Variants in DST observed in about 807,000 individuals in gnomAD.
The protein encoded by DST is dystonin.
In DST, 253 loss-of-function variants were observed where a neutral mutation model predicts 875.2. The observed-to-expected ratio is 0.29, with a 90% confidence interval of 0.26 to 0.32. The LOEUF (loss-of-function observed/expected upper bound fraction) is 0.32, where lower values mean the gene tolerates loss of function less well. Ranked by LOEUF, DST falls within the 10% of genes least tolerant of loss-of-function variation. DST has a pLI of 1.00. For synonymous variants in DST, 3,124 were observed against 3,197.1 expected, an observed-to-expected ratio of 0.98 and a Z score of 0.77; for missense variants, 8,287 against 9,111.6, an observed-to-expected ratio of 0.91 and a Z score of 3.68.
At chr6:56,915,941 ACCTT>A (rs1369659816) in intron 2 of DST, among the ~76,000 whole-genome samples, 1 of 152,194 alleles carries the variant, frequency 6.6e-6, no homozygotes, top group African/African-American at 2.4e-5. Flanking sequence ...TAATCCTAAC[ACCTT>A]CTTTGAGAAT....
intron 3 of DST, among the ~76,000 whole-genome samples, chr6:56,886,704 G>T (rs545292934): frequency 4.6e-5 from 7 of 151,478 alleles, no homozygotes; most frequent in Admixed American, 1.3e-4. Flanking sequence ...GAACCCAGGA[G>T]GTGGAGTTTG....
chr6:56,640,204 G>A lies in DST; in HGVS notation c.2429C>T (p.Thr810Ile), dbSNP rs1269620705. Reference sequence around the variant, plus strand: ...AAATTTCATATTGATTTCTTCTTCTGTTAAATTTTGATCCAGCAAAGAAGA... The same window carrying A: ...AAATTTCATATTGATTTCTTCTTCTATTAAATTTTGATCCAGCAAAGAAGA... The part of the protein sequence containing the change: ...LKSSLLDQNL[T>I]EEEINMKFVQ... Residue 810 changes from threonine to isoleucine, a missense_variant, in exon 18 of 104, where the codon ACA (threonine) becomes ATA (isoleucine). Around this residue, in one of 10 missense-constraint regions of DST, gnomAD observed 1,160 missense variants for 1,424.3 expected, o/e 0.81. Transcript: ENST00000680361. The A allele has an allele frequency of 1.2e-6, 2 of 1,614,006 alleles. No homozygotes were observed. Among genetic ancestry groups the A allele is most frequent in the African/African-American group, 1.3e-5 (1 of 74,898 alleles).
At position 56,607,537 on chromosome 6, in the gene DST, T is replaced by G; in HGVS notation, c.7091A>C (p.Asn2364Thr). Residue 2364 changes from asparagine (N) to threonine (T), a missense_variant, in exon 40 of 104, where the codon AAC becomes ACC. By Grantham distance (65) the Asn-to-Thr change is moderately conservative (BLOSUM62 0). Around this residue, in one of 10 missense-constraint regions of DST, gnomAD observed 3,138 missense variants for 3,116.6 expected, o/e 1.01. Coordinates refer to ENST00000680361, the MANE Select transcript of DST (RefSeq NM_001374736.1). ...TTGATTTTCATAGTTTGTAAGTATGTTTTCAGAGTCACTTCTAAGCATGCT... is the reference window on the plus strand; with the variant it reads ...TTGATTTTCATAGTTTGTAAGTATGGTTTCAGAGTCACTTCTAAGCATGCT... ...DISMLRSDSENILTNYENQSR... is the reference protein window; with the variant it reads ...DISMLRSDSETILTNYENQSR... 1 of 1,605,830 alleles carries G rather than the reference T, an allele frequency of 6.2e-7. No individual in the cohort carries two copies. Among genetic ancestry groups the G allele is most frequent in the South Asian group, 1.1e-5 (1 of 90,214 alleles).
intron 9 of DST, among the ~76,000 whole-genome samples, chr6:56,686,542 C>T (rs2099188463): frequency 6.6e-6 from 1 of 152,066 alleles, no homozygotes; most frequent in South Asian, 2.1e-4. Flanking sequence ...TTTCATGCTA[C>T]CTTATCTAAG....
intron 50 of DST, among the ~76,000 whole-genome samples, chr6:56,575,394 G>T (rs2097849211): frequency 6.6e-6 from 1 of 152,088 alleles, no homozygotes; most frequent in African/African-American, 2.4e-5. Context: ...CTCTAATTTG[G>T]AAACTCACAA....
chr6:56,631,103 A>G (rs942893748), intron 30 of DST, 108 bp downstream of exon 30: 4 of 457,032 alleles, frequency 8.8e-6, no homozygotes, highest in Non-Finnish European at 1.3e-5. Context: ...TTCTTAAGAC[A>G]AAATAAAAGT....
intron 36 of DST, among the ~76,000 whole-genome samples, chr6:56,622,657 C>G (rs1420287065): frequency 6.6e-6 from 1 of 150,528 alleles, no homozygotes; most frequent in Non-Finnish European, 1.5e-5. Flanking sequence ...TAATTTAGTC[C>G]AATTGCTGAC....
intron 38 of DST, 117 bp downstream of exon 38, chr6:56,611,391 G>A (rs2098543492): frequency 1.5e-6 from 1 of 681,438 alleles, no homozygotes; most frequent in Non-Finnish European, 2.6e-6. Flanking sequence ...TATTAATTGT[G>A]ATTAGTTTGA....
rs527957342 is a variant in DST at position 56,722,749 on chromosome 6, T to G, written c.687+12479A>C. Among the ~76,000 whole-genome samples the G allele has an allele frequency of 1.3e-4, 20 of 152,324 alleles. No individual in the cohort carries two copies. The South Asian group carries it at 3.9e-3, about 30-fold the overall frequency. On this transcript the variant is annotated intron_variant, in intron 5 of 103. Coordinates refer to ENST00000680361, the MANE Select transcript of DST (RefSeq NM_001374736.1). Reference sequence around the variant, plus strand: ...TAAGACTACAGGAATTATCCTACATTGTAGAAATAAAAAGCGGCTATAAAG... The same window carrying G: ...TAAGACTACAGGAATTATCCTACATGGTAGAAATAAAAAGCGGCTATAAAG...
intron 9 of DST, among the ~76,000 whole-genome samples, chr6:56,697,799 A>G (rs1485179739): frequency 6.6e-6 from 1 of 152,052 alleles, no homozygotes; most frequent in African/African-American, 2.4e-5. Context: ...TGCAGTTTCA[A>G]CTCTGCTAAA....
chr6:56,844,309 C>A (rs2099804621), intron 4 of DST, among the ~76,000 whole-genome samples: 1 of 152,168 alleles, frequency 6.6e-6, no homozygotes, highest in African/African-American at 2.4e-5. Context: ...TACCAGCCTG[C>A]GGTCCCTCCC....
chr6:56,568,716 T>C (rs2097723908), intron 54 of DST, 121 bp from the exon 55 acceptor site: 1 of 905,992 alleles, frequency 1.1e-6, no homozygotes. Flanking sequence ...TGTGAGGGAG[T>C]CGATGAAAGA....
At chr6:56,636,759 C>T in intron 22 of DST, 107 bp from the exon 23 acceptor site, 2 of 960,336 alleles carry the variant, frequency 2.1e-6, no homozygotes, top group Non-Finnish European at 3.3e-6. Context: ...AAATAGATGA[C>T]CAATTGTTTT....
intron 4 of DST, among the ~76,000 whole-genome samples, chr6:56,818,986 C>T (rs1002239055): frequency 3.3e-5 from 5 of 152,030 alleles, no homozygotes; most frequent in Non-Finnish European, 7.4e-5. Flanking sequence ...TCCATTTTTC[C>T]CACCTTTACC....
At chr6:56,649,779 T>C (rs1452037655) in intron 12 of DST, among the ~76,000 whole-genome samples, 2 of 152,208 alleles carry the variant, frequency 1.3e-5, no homozygotes, top group African/African-American at 2.4e-5. Flanking sequence ...AAGGAATATG[T>C]AGACACTGAA....
At chr6:56,926,684 G>A (rs1592583985) in intron 2 of DST, among the ~76,000 whole-genome samples, 1 of 152,282 alleles carries the variant, frequency 6.6e-6, no homozygotes, top group Non-Finnish European at 1.5e-5. Context: ...TCACACTAAA[G>A]GTAGTTAAGT....
chr6:56,619,170 T>C (rs957301525), intron 36 of DST: 2 of 1,614,034 alleles, frequency 1.2e-6, no homozygotes, highest in Non-Finnish European at 1.7e-6. Context: ...AGCTGATCTT[T>C]AAAACCATCT....
At chr6:56,816,208 C>T (rs907204022) in intron 4 of DST, among the ~76,000 whole-genome samples, 4 of 152,158 alleles carry the variant, frequency 2.6e-5, no homozygotes, top group Admixed American at 2.0e-4. Context: ...AATTTTATAT[C>T]CCCCTTTACT....
At chr6:56,618,805 T>G (rs768610006) in intron 36 of DST, 8 of 1,614,066 alleles carry the variant, frequency 5.0e-6, no homozygotes, top group Non-Finnish European at 8.5e-7. Context: ...ATTTACCAGA[T>G]TCTTCCTGAA....
Sources: allele counts gnomAD v4.1 joint callset (sites outside exome capture counted in the v4.1 genomes callset), GRCh38; gene constraint gnomAD v4.1.1; regional missense constraint gnomAD v4.1.1; transcripts MANE v1.5; gene names NCBI Gene and HGNC (gene_info 2026-07-23, HGNC 2026-07-21).